Variants in ABCC3 observed in about 807,000 individuals in gnomAD.
ABCC3 encodes the protein ATP binding cassette subfamily C member 3.
In ABCC3, 121 loss-of-function variants were observed where a neutral mutation model predicts 165.3. The observed-to-expected ratio is 0.73, with a 90% CI of 0.63 to 0.85. The LOEUF is 0.85. Among genes scored for constraint, ABCC3 ranks in the 40% least tolerant of loss-of-function variants. The pLI is 0.00. For synonymous variants in ABCC3, 733 were observed against 810.1 expected, an observed-to-expected ratio of 0.90 and a Z score of 1.62; for missense variants, 1,869 against 1,964.1, an observed-to-expected ratio of 0.95 and a Z score of 0.92.
Position 50,659,367 on chromosome 17 carries a change from C to T in ABCC3, c.805C>T (p.Arg269Ter), listed in dbSNP as rs771035907. 43 of 1,606,330 alleles carry T rather than the reference C, an allele frequency of 2.7e-5. No homozygotes were observed. The highest frequency in any genetic ancestry group is 5.3e-5 in the African/African-American group (4 of 74,794). The change falls in exon 7 of 31, where the codon CGA becomes TGA. Residue 269 changes from arginine (R) to a stop codon, truncating the protein, a stop_gained and splice_region_variant. Transcript: ENST00000285238. LOFTEE classifies it high-confidence loss of function. ...AWRKQEKQTA[R>*]HKASAAPGKN... Reference sequence around the variant, plus strand: ...GAGGAAGCAGGAAAAGCAGACGGCACGGTGAGGCCCTCCCCTTGCCCCAAC... The same window carrying T: ...GAGGAAGCAGGAAAAGCAGACGGCATGGTGAGGCCCTCCCCTTGCCCCAAC...
intron 11 of ABCC3, among the ~76,000 whole-genome samples, chr17:50,666,801 A>G (rs1330891047): frequency 6.6e-6 from 1 of 152,230 alleles, no homozygotes; most frequent in African/African-American, 2.4e-5. Flanking sequence ...ACCTTGGGCT[A>G]AGGTCTTGGA....
At chr17:50,660,351 G>A (rs1967347952) in intron 7 of ABCC3, among the ~76,000 whole-genome samples, 1 of 152,168 alleles carries the variant, frequency 6.6e-6, no homozygotes, top group African/African-American at 2.4e-5. Context: ...CTGACCCCAG[G>A]ATTGAACCCT....
rs150218388 is a variant in ABCC3, at chr17:50,669,242, G to A, written c.2040G>A (p.Lys680=). 251 of 1,614,020 alleles carry A rather than the reference G, an allele frequency of 1.6e-4. 3 individuals are homozygous for A. The African/African-American group carries it at 2.8e-3, about 18-fold the overall frequency. ...CTGCCCTGCTGGGAGAGATGGAGAA[G>A]CTAGAAGGCAAAGTGCACATGAAGG... ...LVSALLGEME[K]LEGKVHMKGS... The change falls in exon 16 of 31, where the codon AAG becomes AAA. Residue 680 remains lysine, a synonymous_variant. Transcript: ENST00000285238.
At position 50,656,685 on chromosome 17, in the gene ABCC3, C is replaced by G. The variant is rs781716036; in HGVS notation, c.223-17C>G. 7 of 1,604,764 alleles carry G rather than the reference C, an allele frequency of 4.4e-6. No homozygotes were observed. ...TGCCTCTGGGGATGCGGATTCCAAC[C>G]TGTGCTCTCTTCGCAGGTCCTGGGT... On this transcript the variant is annotated splice_polypyrimidine_tract_variant and intron_variant, in intron 2 of 30. Coordinates refer to ENST00000285238, the MANE Select transcript of ABCC3 (RefSeq NM_003786.4).
chr17:50,673,731 T>C, intron 19 of ABCC3, 73 bp downstream of exon 19: 1 of 1,491,526 alleles, frequency 6.7e-7, no homozygotes. Context: ...TCTGAGTGTG[T>C]CTAGACTGGC....
chr17:50,657,274 T>G (rs150071231), intron 4 of ABCC3, 91 bp downstream of exon 4: 1 of 1,491,636 alleles, frequency 6.7e-7, no homozygotes, highest in African/African-American at 1.4e-5. Flanking sequence ...CCCAGGTCCC[T>G]CCCTCGAGGC....
At chr17:50,644,177 G>GAT (rs1365465807) in intron 1 of ABCC3, among the ~76,000 whole-genome samples, 8 of 151,786 alleles carry the variant, frequency 5.3e-5, no homozygotes, top group African/African-American at 9.7e-5. Flanking sequence ...TGGGCGTGGT[G>GAT]GCGGGCATCT....
Position 50,684,881 on chromosome 17 carries a change from C to T in ABCC3, c.4280+6C>T. The T allele has an allele frequency of 6.2e-7, 1 of 1,613,538 alleles. No homozygotes were observed. The highest frequency in any genetic ancestry group is 8.5e-7 in the Non-Finnish European group (1 of 1,179,802). On this transcript the variant is annotated splice_donor_region_variant and intron_variant, in intron 29 of 30. Coordinates refer to ENST00000285238, the MANE Select transcript of ABCC3 (RefSeq NM_003786.4). ...GAGGGCGGGGAGAATCTCAGGTAAA[C>T]ACTGGGAGTGCAGAGGTCAGGAACT... is the stretch of plus-strand genomic sequence containing the variant.
chr17:50,644,719 AAAC>A (rs1966965563), intron 1 of ABCC3, among the ~76,000 whole-genome samples: 1 of 150,920 alleles, frequency 6.6e-6, no homozygotes, highest in Non-Finnish European at 1.5e-5. Context: ...CTCAAAACCA[AAAC>A]AAAACAAAAA....
chr17:50,682,102 T>C (rs1330497427), intron 26 of ABCC3, among the ~76,000 whole-genome samples: 2 of 152,046 alleles, frequency 1.3e-5, no homozygotes, highest in East Asian at 3.9e-4. Flanking sequence ...CCGCGTGGTT[T>C]CTCCTGCCTC....
chr17:50,683,850 T>G, intron 27 of ABCC3, 94 bp downstream of exon 27: 1 of 1,560,160 alleles, frequency 6.4e-7, no homozygotes, highest in Non-Finnish European at 8.7e-7. Flanking sequence ...AGAGCACAAG[T>G]GCTCCAGCCA....
chr17:50,639,655 G>T (rs990812870), intron 1 of ABCC3, among the ~76,000 whole-genome samples: 1 of 152,104 alleles, frequency 6.6e-6, no homozygotes, highest in African/African-American at 2.4e-5. Flanking sequence ...TCCCCTTCCC[G>T]AACTGAAGTT....
intron 15 of ABCC3, 108 bp from the exon 16 acceptor site, chr17:50,669,032 C>G: frequency 5.6e-6 from 9 of 1,595,324 alleles, no homozygotes; most frequent in Non-Finnish European, 7.7e-6. Context: ...CTTCAGCCTG[C>G]CAGGGGGGTG....
Position 50,674,039 on chromosome 17 carries a change from T to C in ABCC3, c.2599+381T>C, listed in dbSNP as rs1241181040. ...CTCTCTCTCTCTCTCTCTCTCTCTT[T>C]CTTTCTTTCTTTCTTTCTTTCTTTC... On this transcript the variant is annotated intron_variant, in intron 19 of 30. Transcript: ENST00000285238. Among the ~76,000 whole-genome samples, 103 of 30,744 alleles carry C rather than the reference T, an allele frequency of 3.4e-3. 6 individuals are homozygous for C. In the Middle Eastern group the frequency reaches 0.034, roughly 10 times the overall value. 20.2% of individuals were successfully genotyped at this position (30,744 alleles called of 152,430 possible). A position where few individuals can be genotyped will look rare whatever the true frequency, so the allele number is the denominator to read the frequency against.
In ABCC3 at chr17:50,637,444, G is replaced by C. The variant is rs940492452; in HGVS notation, c.45+2463G>C. Among the ~76,000 whole-genome samples the C allele has an allele frequency of 2.0e-5, 3 of 152,362 alleles. No homozygotes were observed. In the East Asian group the frequency reaches 5.8e-4, roughly 29 times the overall value. ...GTGCTGTGTTGCATCTCATTTGCATGGTGTATTATTAAGGCACAACTCCCC... is the reference window on the plus strand; with the variant it reads ...GTGCTGTGTTGCATCTCATTTGCATCGTGTATTATTAAGGCACAACTCCCC... On this transcript the variant is annotated intron_variant, in intron 1 of 30. Coordinates refer to ENST00000285238, the MANE Select transcript of ABCC3 (RefSeq NM_003786.4).
At position 50,658,434 on chromosome 17, in the gene ABCC3, G is replaced by T. The variant is rs1412485105; in HGVS notation, c.613-1G>T. Reference sequence around the variant, plus strand: ...CCCCGTCCTATTCTCTCGCCTTCTAGAACCCCTACCCTGAGACCAGCGCTG... The same window carrying T: ...CCCCGTCCTATTCTCTCGCCTTCTATAACCCCTACCCTGAGACCAGCGCTG... On this transcript the variant is annotated splice_acceptor_variant, in intron 5 of 30. Transcript: ENST00000285238. LOFTEE classifies it high-confidence loss of function. The T allele has an allele frequency of 1.2e-6, 2 of 1,613,946 alleles. No homozygotes were observed. The highest frequency in any genetic ancestry group is 1.7e-6 in the Non-Finnish European group (2 of 1,179,816).
At chr17:50,686,497 T>C (rs1240798933) in intron 29 of ABCC3, among the ~76,000 whole-genome samples, 1 of 152,096 alleles carries the variant, frequency 6.6e-6, no homozygotes, top group Admixed American at 6.5e-5. Flanking sequence ...AATATGCATC[T>C]TAAGTGGCTC....
intron 26 of ABCC3, 56 bp downstream of exon 26, chr17:50,679,955 G>C: frequency 7.0e-7 from 1 of 1,429,628 alleles, no homozygotes; most frequent in South Asian, 1.2e-5. Context: ...GGGGAAGAAA[G>C]CTTGGTGGCT....
intron 8 of ABCC3, among the ~76,000 whole-genome samples, chr17:50,661,727 T>A (rs1312399512): frequency 6.6e-6 from 1 of 152,150 alleles, no homozygotes; most frequent in African/African-American, 2.4e-5. Context: ...CAGAGTTCAA[T>A]AAGACAGGGT....
Sources: allele counts gnomAD v4.1 joint callset (sites outside exome capture counted in the v4.1 genomes callset), GRCh38; gene constraint gnomAD v4.1.1; transcripts MANE v1.5; gene names NCBI Gene and HGNC (gene_info 2026-07-23, HGNC 2026-07-21).